Variants in SNRPN observed in about 807,000 individuals in gnomAD.
The protein encoded by SNRPN is small nuclear ribonucleoprotein polypeptide N, also known as small nuclear ribonucleoprotein-associated protein N.
Under a neutral mutation model 25.2 loss-of-function variants are expected in SNRPN, and 7 were observed. The observed-to-expected ratio is 0.28, with a 90% CI of 0.16 to 0.52. The LOEUF (loss-of-function observed/expected upper bound fraction) is 0.52. SNRPN is among the 20% of genes least tolerant of loss of function. The pLI, the probability that SNRPN is intolerant of heterozygous loss-of-function variation, is 0.96. For missense variants in SNRPN, 196 were observed against 322.5 expected (o/e 0.61, Z 3.00); for synonymous variants, 124 against 110.6 (o/e 1.12, Z -0.76).
chr15:24,909,146 T>G (rs2059046834), intron 2 of SNRPN: 3 of 1,359,602 alleles, frequency 2.2e-6, no homozygotes, highest in Non-Finnish European at 2.1e-6. Context: ...GTTCTTTATG[T>G]ATTGAGAGAA....
intron 3 of SNRPN, among the ~76,000 whole-genome samples, chr15:24,923,883 G>A (rs1166587642): frequency 3.2e-5 from 2 of 61,766 alleles, no homozygotes; most frequent in Non-Finnish European, 6.7e-5. Context: ...TGCCGTGTAT[G>A]TGTGTGTGTG....
chr15:24,957,116 C>A (rs1364047553), intron 1 of SNRPN, among the ~76,000 whole-genome samples: 1 of 152,036 alleles, frequency 6.6e-6, no homozygotes, highest in Non-Finnish European at 1.5e-5. Flanking sequence ...TCTTTGATTT[C>A]CATTCGACAC....
intron 3 of SNRPN, among the ~76,000 whole-genome samples, chr15:24,931,712 G>C (rs1691998843): frequency 6.6e-6 from 1 of 151,500 alleles, no homozygotes; most frequent in South Asian, 2.1e-4. Flanking sequence ...GTGGCACATG[G>C]CTGTAGTCCC....
Position 24,978,565 on chromosome 15 carries a change from T to C in SNRPN, c.*121T>C. 1.1e-6 allele frequency: 1 copy of C among 908,914 alleles called. No homozygotes were observed. Among genetic ancestry groups the C allele is most frequent in the Non-Finnish European group, 1.8e-6 (1 of 553,956 alleles). The allele number at this position is 908,914 out of a possible 1,614,324, so 56.3% of individuals were successfully genotyped here. A position where few individuals can be genotyped will look rare whatever the true frequency, so the allele number is the denominator to read the frequency against. ...TTAATAATAGCTAATAATAAATGCA[T>C]AGAGCAATTAAACTGTGAGGTACTG... On this transcript the variant is annotated 3_prime_UTR_variant, in exon 10 of 10. Coordinates refer to ENST00000390687, the MANE Select transcript of SNRPN (RefSeq NM_003097.6).
At chr15:24,938,528 G>A (rs2061376564) in intron 3 of SNRPN, among the ~76,000 whole-genome samples, 1 of 152,116 alleles carries the variant, frequency 6.6e-6, no homozygotes, top group African/African-American at 2.4e-5. Context: ...GCCTGCCTTG[G>A]CCTCCGAAAG....
chr15:24,830,784 T>C (rs1371286657), intron 2 of SNRPN, among the ~76,000 whole-genome samples: 2 of 152,134 alleles, frequency 1.3e-5, no homozygotes, highest in Non-Finnish European at 2.9e-5. Context: ...GTGTTTTGAG[T>C]GCATACATTG....
At position 24,938,508 on chromosome 15, in the gene SNRPN, C is replaced by T. The variant is rs141951018; in HGVS notation, c.-391+18384C>T. 2.4e-3 allele frequency among the ~76,000 whole-genome samples: 365 copies of T among 152,230 alleles called. 2 individuals carry two copies. The highest frequency in any genetic ancestry group is 8.3e-3 in the African/African-American group (345 of 41,548). Reference sequence around the variant, plus strand: ...CTGTCTGGTCTTGAACTCCTGACCTCAAGTGATCTGCCTGCCTTGGCCTCC... The same window carrying T: ...CTGTCTGGTCTTGAACTCCTGACCTTAAGTGATCTGCCTGCCTTGGCCTCC... On this transcript the variant is annotated intron_variant, in intron 3 of 11. Coordinates refer to the SNRPN transcript ENST00000400097.
At chr15:24,840,928 G>A (rs1031923150) in intron 2 of SNRPN, among the ~76,000 whole-genome samples, 2 of 151,864 alleles carry the variant, frequency 1.3e-5, no homozygotes, top group Admixed American at 6.6e-5. Flanking sequence ...TCTAACCTCC[G>A]CCTCCCAGGT....
At chr15:24,832,120 G>A (rs184600867) in intron 2 of SNRPN, among the ~76,000 whole-genome samples, 1 of 150,452 alleles carries the variant, frequency 6.6e-6, no homozygotes, top group Admixed American at 6.6e-5. Flanking sequence ...CATTCCCACC[G>A]ACAGTACACA....
At chr15:24,910,483 A>G (rs541722087) in intron 2 of SNRPN, among the ~76,000 whole-genome samples, 5 of 152,164 alleles carry the variant, frequency 3.3e-5, no homozygotes, top group South Asian at 2.1e-4. Flanking sequence ...TCAAAAAAAA[A>G]TGCTAATTAT....
chr15:24,844,628 G>A (rs765845749), intron 2 of SNRPN, among the ~76,000 whole-genome samples: 16 of 152,014 alleles, frequency 1.1e-4, no homozygotes, highest in Admixed American at 2.0e-4. Flanking sequence ...GGGTTGAAGC[G>A]ACTCTCCTGC....
chr15:24,909,511 C>T (rs536735968), intron 2 of SNRPN: 58 of 1,521,836 alleles, frequency 3.8e-5, no homozygotes, highest in East Asian at 9.0e-5. Context: ...TGCGGGCCAG[C>T]GGCAGGCCAG....
rs537808549 is a variant in SNRPN, at chr15:24,869,486, A to C, written c.-579+12770A>C. On this transcript the variant is annotated intron_variant, in intron 1 of 11. Coordinates refer to the SNRPN transcript ENST00000400097. ...TCCAGGAGACCACATCACATTTAGA[A>C]ATCCCATCTCATTAGGTTCCTTCTG... Among the ~76,000 whole-genome samples the C allele has an allele frequency of 2.0e-5, 3 of 152,268 alleles. No individual in the cohort carries two copies. In the East Asian group the frequency reaches 5.8e-4, roughly 29 times the overall value.
intron 3 of SNRPN, among the ~76,000 whole-genome samples, chr15:24,931,162 T>C (rs2060827583): frequency 6.6e-6 from 1 of 152,222 alleles, no homozygotes; most frequent in African/African-American, 2.4e-5. Context: ...CTAGGAACTT[T>C]GCAATTAGTT....
At chr15:24,850,797 A>G (rs1452287496) in intron 2 of SNRPN, 1 of 152,168 alleles carries the variant, frequency 6.6e-6, no homozygotes, top group African/African-American at 2.4e-5. Context: ...GTCAGGGCTC[A>G]CTCCTGTCCT....
In SNRPN at chr15:24,977,667, A is replaced by G. The variant is rs1488111713; in HGVS notation, c.421-111A>G. On this transcript the variant is annotated intron_variant, in intron 7 of 9. Coordinates refer to ENST00000390687, the MANE Select transcript of SNRPN (RefSeq NM_003097.6). ...AAAACATGGGAATAATGAGAGAAGT[A>G]CATTGCAACAGTTGTTTGTAACTAA... is the stretch of plus-strand genomic sequence containing the variant. 3.8e-6 allele frequency: 4 copies of G among 1,048,772 alleles called. No individual in the cohort carries two copies. The African/African-American group carries it at 6.5e-5, about 17-fold the overall frequency. The allele number at this position is 1,048,772 out of a possible 1,614,324, so 65.0% of individuals were successfully genotyped here.
At chr15:24,851,865 T>C (rs2052877386), upstream of SNRPN, 2 of 152,130 alleles carry the variant, frequency 1.3e-5, no homozygotes, top group African/African-American at 4.8e-5. Flanking sequence ...TGTCCCTTTC[T>C]CCATCACTGA....
intron 1 of SNRPN, among the ~76,000 whole-genome samples, chr15:24,869,434 A>G (rs1304463958): frequency 6.6e-6 from 1 of 152,132 alleles, no homozygotes; most frequent in African/African-American, 2.4e-5. Context: ...CTTCTACCGA[A>G]TGAACACTTT....
intron 1 of SNRPN, among the ~76,000 whole-genome samples, chr15:24,828,504 G>A (rs2050258671): frequency 6.6e-6 from 1 of 151,974 alleles, no homozygotes; most frequent in Admixed American, 6.6e-5. Context: ...CTGAGATCGC[G>A]CCACTGCACT....
Sources: gnomAD v4.1 joint callset for allele counts (sites outside exome capture counted in the v4.1 genomes callset) on GRCh38, gnomAD v4.1.1 for gene constraint, MANE v1.5 for transcripts, NCBI Gene and HGNC (gene_info 2026-07-23, HGNC 2026-07-21) for gene names.